Variants in NYAP2 observed in about 807,000 individuals in gnomAD.
NYAP2 encodes neuronal tyrosine-phosphorylated phosphoinositide-3-kinase adaptor 2.
In NYAP2, 23 loss-of-function variants were observed where a neutral mutation model predicts 50.4. That is an observed-to-expected ratio of 0.46 (90% CI 0.33 to 0.65). The LOEUF is 0.65. NYAP2 is among the 30% of genes least tolerant of loss of function. The pLI is 0.02. For synonymous variants in NYAP2, 394 were observed against 365.2 expected (o/e 1.08, Z -0.90); for missense variants, 885 against 861.0 (o/e 1.03, Z -0.35).
intron 4 of NYAP2, among the ~76,000 whole-genome samples, chr2:225,568,452 A>G (rs990361671): frequency 6.6e-6 from 1 of 152,116 alleles, no homozygotes; most frequent in Non-Finnish European, 1.5e-5. Context: ...CTTCAAGACT[A>G]TTTGAGGAAA....
intron 4 of NYAP2, among the ~76,000 whole-genome samples, chr2:225,540,752 G>A (rs989904677): frequency 6.6e-6 from 1 of 152,202 alleles, no homozygotes; most frequent in Non-Finnish European, 1.5e-5. Flanking sequence ...AAACATGGGA[G>A]TGCAGATGTC....
intron 4 of NYAP2, among the ~76,000 whole-genome samples, chr2:225,561,646 C>T (rs1453350422): frequency 1.3e-5 from 2 of 151,996 alleles, no homozygotes; most frequent in African/African-American, 4.8e-5. Context: ...ATAGAGGCAG[C>T]TATAGTTTAT....
intron 3 of NYAP2, among the ~76,000 whole-genome samples, chr2:225,465,350 T>A (rs1689899957): frequency 6.6e-6 from 1 of 152,042 alleles, no homozygotes; most frequent in Non-Finnish European, 1.5e-5. Flanking sequence ...TTTCTTAGAG[T>A]TACACCTCCT....
intron 6 of NYAP2, among the ~76,000 whole-genome samples, chr2:225,649,617 G>A (rs1013380758): frequency 7.2e-5 from 11 of 152,166 alleles, no homozygotes; most frequent in Admixed American, 1.3e-4. Context: ...TGATCCACCC[G>A]CATCAGCCCC....
intron 3 of NYAP2, among the ~76,000 whole-genome samples, chr2:225,441,806 C>A (rs867871922): frequency 5.3e-5 from 8 of 152,230 alleles, no homozygotes; most frequent in Middle Eastern, 3.2e-3. Flanking sequence ...ACCATATCAA[C>A]TACTGACTAG....
intron 4 of NYAP2, among the ~76,000 whole-genome samples, chr2:225,515,289 T>G (rs919288178): frequency 3.3e-5 from 5 of 152,236 alleles, no homozygotes; most frequent in African/African-American, 1.2e-4. Context: ...TCATAGTGTA[T>G]AGTCTTGTGT....
intron 3 of NYAP2, among the ~76,000 whole-genome samples, chr2:225,477,437 T>C (rs1264846860): frequency 1.3e-5 from 2 of 151,666 alleles, no homozygotes; most frequent in Non-Finnish European, 2.9e-5. Context: ...GGGGTTTCAC[T>C]GTGTTAGCCA....
At chr2:225,641,207 C>G (rs1574725380) in intron 6 of NYAP2, among the ~76,000 whole-genome samples, 1 of 152,052 alleles carries the variant, frequency 6.6e-6, no homozygotes, top group South Asian at 2.1e-4. Context: ...TTTGGAAAGG[C>G]CCTGTGGAGA....
chr2:225,672,629 G>A, the NYAP2 span, among the ~76,000 whole-genome samples: 1 of 152,082 alleles, frequency 6.6e-6, no homozygotes, highest in South Asian at 2.1e-4. Flanking sequence ...GTGGCATTTG[G>A]CCTATATTGA....
chr2:225,568,024 T>A (rs1691992705), intron 4 of NYAP2, among the ~76,000 whole-genome samples: 2 of 152,192 alleles, frequency 1.3e-5, no homozygotes, highest in Non-Finnish European at 2.9e-5. Flanking sequence ...TTATTCCCTA[T>A]ATTGCTAGTG....
intron 4 of NYAP2, among the ~76,000 whole-genome samples, chr2:225,580,810 T>C (rs751423347): frequency 2.0e-5 from 3 of 152,134 alleles, no homozygotes; most frequent in Non-Finnish European, 4.4e-5. Flanking sequence ...ATTTGTGCCT[T>C]GAGACCCTTC....
intron 4 of NYAP2, among the ~76,000 whole-genome samples, chr2:225,576,839 T>C (rs1424557978): frequency 6.6e-6 from 1 of 152,186 alleles, no homozygotes; most frequent in East Asian, 1.9e-4. Flanking sequence ...AAGGAATTCA[T>C]ATTTGTTCAT....
At chr2:225,578,620 G>T (rs80202999) in intron 4 of NYAP2, among the ~76,000 whole-genome samples, 2 of 152,112 alleles carry the variant, frequency 1.3e-5, no homozygotes, top group Non-Finnish European at 2.9e-5. Flanking sequence ...GATAAGCATC[G>T]CCAGATGTAG....
chr2:225,593,277 T>C (rs1403375937), intron 5 of NYAP2, among the ~76,000 whole-genome samples: 2 of 152,200 alleles, frequency 1.3e-5, no homozygotes, highest in Non-Finnish European at 2.9e-5. Flanking sequence ...GTTTGCCTCT[T>C]AGTGTCTTAG....
chr2:225,625,555 G>C (rs1403672948), intron 5 of NYAP2, among the ~76,000 whole-genome samples: 1 of 152,150 alleles, frequency 6.6e-6, no homozygotes, highest in African/African-American at 2.4e-5. Flanking sequence ...AGTAGAGTTA[G>C]TTAAGCAAAG....
intron 3 of NYAP2, among the ~76,000 whole-genome samples, chr2:225,468,219 T>A (rs1250027791): frequency 6.6e-6 from 1 of 152,196 alleles, no homozygotes; most frequent in Non-Finnish European, 1.5e-5. Context: ...GGGCCTACTC[T>A]GATATGACTG....
At chr2:225,444,536 T>C (rs1461313869) in intron 3 of NYAP2, among the ~76,000 whole-genome samples, 3 of 152,192 alleles carry the variant, frequency 2.0e-5, no homozygotes, top group Admixed American at 1.3e-4. Context: ...CGTGACACAG[T>C]AATATAAAAT....
chr2:225,557,551 T>C (rs1207815555), intron 4 of NYAP2, among the ~76,000 whole-genome samples: 1 of 152,142 alleles, frequency 6.6e-6, no homozygotes, highest in Admixed American at 6.6e-5. Flanking sequence ...TACTATATTA[T>C]GAATAAATGG....
Position 225,540,376 on chromosome 2 carries a change from C to A in NYAP2, c.523+26704C>A, listed in dbSNP as rs144493408. On this transcript the variant is annotated intron_variant, in intron 4 of 6. Coordinates refer to ENST00000636099, the Ensembl canonical transcript of NYAP2. ...GAGTTTTATTGGACTTACAGTTCCA[C>A]ATGTCTGGGCAGGCCTCACAATCAT... 3.0e-4 allele frequency among the ~76,000 whole-genome samples: 46 copies of A among 152,318 alleles called. No individual in the cohort carries two copies. The East Asian group carries it at 8.5e-3, about 28-fold the overall frequency.
Sources: allele counts gnomAD v4.1 joint callset (sites outside exome capture counted in the v4.1 genomes callset), GRCh38; gene constraint gnomAD v4.1.1; transcripts MANE v1.5; gene names NCBI Gene and HGNC (gene_info 2026-07-23, HGNC 2026-07-21).